Variants in NOL4L observed in about 807,000 individuals in gnomAD.
NOL4L encodes the protein nucleolar protein 4 like, also known as nucleolar protein 4-like.
A neutral mutation model predicts 64.5 loss-of-function variants in NOL4L; 7 were observed. The observed-to-expected ratio is 0.11, with a 90% confidence interval of 0.06 to 0.20. NOL4L has a LOEUF of 0.20. Among genes scored for constraint, NOL4L ranks in the 10% least tolerant of loss-of-function variants. The pLI is 1.00. For missense variants in NOL4L, 680 were observed against 967.1 expected (o/e 0.70, Z 3.94); for synonymous variants, 413 against 401.0 (o/e 1.03, Z -0.36).
chr20:32,453,214 C>T lies in NOL4L; in HGVS notation c.1497+90G>A. The stretch of plus-strand genomic sequence containing the variant: ...TGCTTCCAGGGCTCCTGGGAAGACC[C>T]TGGGTGAAGGGGCCCGGGCATCCTG... On this transcript the variant is annotated intron_variant, in intron 8 of 10. Coordinates refer to ENST00000621426, the MANE Select transcript of NOL4L (RefSeq NM_001256798.2). This position sits in a 1 kb window ranked among gnomAD's most constrained non-coding sequence, Gnocchi z 5.6. The T allele has an allele frequency of 6.6e-7, 1 of 1,513,526 alleles. No homozygotes were observed. The highest frequency in any genetic ancestry group is 9.0e-7 in the Non-Finnish European group (1 of 1,117,078). 93.8% of individuals were successfully genotyped at this position (1,513,526 alleles called of 1,614,324 possible).
chr20:32,498,656 G>A (rs575307735), intron 4 of NOL4L, among the ~76,000 whole-genome samples: 2 of 151,152 alleles, frequency 1.3e-5, no homozygotes, highest in East Asian at 2.0e-4. Flanking sequence ...CCAGCTACTC[G>A]GGAGGCTGAG....
intron 4 of NOL4L, among the ~76,000 whole-genome samples, chr20:32,494,662 T>C (rs546820123): frequency 1.2e-4 from 18 of 152,290 alleles, no homozygotes; most frequent in Admixed American, 2.6e-4. Flanking sequence ...TGAAATTCTT[T>C]CTTTCCCAGC....
intron 1 of NOL4L, among the ~76,000 whole-genome samples, chr20:32,537,411 G>C (rs1411834561): frequency 1.3e-5 from 2 of 152,226 alleles, no homozygotes; most frequent in African/African-American, 4.8e-5. Flanking sequence ...GCGTCGCGGT[G>C]CACCTACTGT....
chr20:32,490,475 C>T (rs1329988120), intron 4 of NOL4L, among the ~76,000 whole-genome samples: 2 of 152,154 alleles, frequency 1.3e-5, no homozygotes, highest in Non-Finnish European at 2.9e-5. Context: ...GAATCCAGGG[C>T]TTCACAAGTG....
chr20:32,498,626 G>A (rs1167610594), intron 4 of NOL4L, among the ~76,000 whole-genome samples: 1 of 151,316 alleles, frequency 6.6e-6, no homozygotes, highest in African/African-American at 2.4e-5. Flanking sequence ...AGCCAGGTGT[G>A]GTGGTGTGTG....
intron 2 of NOL4L, among the ~76,000 whole-genome samples, chr20:32,523,871 G>C (rs1027813364): frequency 6.6e-6 from 1 of 152,204 alleles, no homozygotes; most frequent in African/African-American, 2.4e-5. Flanking sequence ...CAGAGTCGCT[G>C]ACTTGCAAGG....
chr20:32,472,598 G>C (rs1338839259), intron 5 of NOL4L, among the ~76,000 whole-genome samples: 2 of 152,196 alleles, frequency 1.3e-5, no homozygotes, highest in South Asian at 2.1e-4. Flanking sequence ...ATGTCTCCAG[G>C]GGGGCCAGAA....
chr20:32,493,311 C>T (rs1466369274), intron 4 of NOL4L, among the ~76,000 whole-genome samples: 1 of 152,164 alleles, frequency 6.6e-6, no homozygotes, highest in Admixed American at 6.5e-5. Context: ...CCTAGGCCTG[C>T]AGTCCCTTCA....
chr20:32,487,199 C>A (rs894835109), intron 4 of NOL4L, among the ~76,000 whole-genome samples: 4 of 151,966 alleles, frequency 2.6e-5, no homozygotes, highest in Non-Finnish European at 5.9e-5. Flanking sequence ...ACCCAGGAAG[C>A]AGAGGTTGCA....
intron 1 of NOL4L, among the ~76,000 whole-genome samples, chr20:32,567,193 C>T (rs371491958): frequency 1.3e-5 from 2 of 152,160 alleles, no homozygotes; most frequent in South Asian, 2.1e-4. Flanking sequence ...GAACAGCCTC[C>T]GCCCTGGGGC....
Position 32,453,296 on chromosome 20 carries a change from G to T in NOL4L, c.1497+8C>A. On this transcript the variant is annotated splice_region_variant and intron_variant, in intron 8 of 10. Coordinates refer to ENST00000621426, the MANE Select transcript of NOL4L (RefSeq NM_001256798.2). This position sits in a 1 kb window ranked among gnomAD's most constrained non-coding sequence, Gnocchi z 5.6. ...AGGGAAAGTGTGGGCCAGGCAGGGG[G>T]GACTCACCATCTCCATGCCGTTCTT... The T allele has an allele frequency of 1.2e-6, 2 of 1,611,672 alleles. No homozygotes were observed. The highest frequency in any genetic ancestry group is 1.7e-6 in the Non-Finnish European group (2 of 1,178,138).
chr20:32,583,155 A>G (rs1370418434), intron 1 of NOL4L, among the ~76,000 whole-genome samples: 1 of 150,988 alleles, frequency 6.6e-6, no homozygotes, highest in African/African-American at 2.4e-5. Flanking sequence ...CAGCGCGGTT[A>G]TCAGCGCTCC....
At chr20:32,566,149 C>T (rs1979415514) in intron 1 of NOL4L, among the ~76,000 whole-genome samples, 1 of 152,186 alleles carries the variant, frequency 6.6e-6, no homozygotes, top group African/African-American at 2.4e-5. Context: ...TCTGTAAGTC[C>T]CATTGCAACT....
intron 3 of NOL4L, among the ~76,000 whole-genome samples, chr20:32,513,239 G>A (rs867111502): frequency 1.3e-5 from 2 of 152,184 alleles, no homozygotes; most frequent in South Asian, 2.1e-4. Flanking sequence ...CGAGGTCCAG[G>A]AGGACCAGAG....
At chr20:32,583,338 G>A (rs1600898138) in intron 1 of NOL4L, among the ~76,000 whole-genome samples, 1 of 150,938 alleles carries the variant, frequency 6.6e-6, no homozygotes, top group African/African-American at 2.4e-5. Flanking sequence ...GGAGGGGGAG[G>A]GGGAGGGGAC....
In NOL4L at chr20:32,445,157, CT is replaced by C. The variant is rs1289445199; in HGVS notation, c.*2438del. 6.6e-6 allele frequency: 1 copy of C among 152,226 alleles called. No homozygotes were observed. Among genetic ancestry groups the C allele is most frequent in the Admixed American group, 6.5e-5 (1 of 15,286 alleles). 9.4% of individuals were successfully genotyped at this position (152,226 alleles called of 1,614,324 possible). ...ATGGACTTTAACAACATATTCTTTC[CT>C]TTCTCTTGAAAACACATTGAACCTA... On this transcript the variant is annotated 3_prime_UTR_variant, in exon 11 of 11. Coordinates refer to ENST00000621426, the MANE Select transcript of NOL4L (RefSeq NM_001256798.2).
chr20:32,536,144 G>A, intron 1 of NOL4L: 2 of 985,610 alleles, frequency 2.0e-6, no homozygotes, highest in Non-Finnish European at 2.4e-6. Context: ...AACAGCACCC[G>A]CCCTAGAAGA....
intron 4 of NOL4L, among the ~76,000 whole-genome samples, chr20:32,504,671 C>G (rs1306608168): frequency 6.6e-6 from 1 of 150,622 alleles, no homozygotes; most frequent in Non-Finnish European, 1.5e-5. Flanking sequence ...GTGGCATGAT[C>G]TCTGCTCACT....
At chr20:32,489,675 T>G (rs1375261916) in intron 4 of NOL4L, among the ~76,000 whole-genome samples, 1 of 152,026 alleles carries the variant, frequency 6.6e-6, no homozygotes, top group Non-Finnish European at 1.5e-5. Flanking sequence ...CCGGGCGCAG[T>G]GGCTCACGCC....
Sources: allele counts gnomAD v4.1 joint callset (sites outside exome capture counted in the v4.1 genomes callset), GRCh38; gene constraint gnomAD v4.1.1; non-coding constraint Gnocchi (gnomAD v3.1); transcripts MANE v1.5; gene names NCBI Gene and HGNC (gene_info 2026-07-23, HGNC 2026-07-21).